The following THRB variants were observed in gnomAD, a reference collection of about 807,000 sequenced individuals.
The protein encoded by THRB is thyroid hormone receptor beta, also known as nuclear receptor subfamily 1 group A member 2.
A neutral mutation model predicts 47.8 loss-of-function variants in THRB; 12 were observed. The observed-to-expected ratio is 0.25, with a 90% CI of 0.16 to 0.41. The LOEUF (loss-of-function observed/expected upper bound fraction) is 0.41. Ranked by LOEUF, THRB falls within the 10% of genes least tolerant of loss-of-function variation. THRB has a pLI of 1.00. For missense variants in THRB, 348 were observed against 589.2 expected, an observed-to-expected ratio of 0.59 and a Z score of 4.24; for synonymous variants, 218 against 212.2, an observed-to-expected ratio of 1.03 and a Z score of -0.24.
intron 3 of THRB, among the ~76,000 whole-genome samples, chr3:24,243,164 T>C (rs1327936313): frequency 1.3e-5 from 2 of 150,704 alleles, no homozygotes; most frequent in African/African-American, 4.9e-5. Context: ...TAAAGCAGCG[T>C]GGGTGATTCT....
intron 5 of THRB, among the ~76,000 whole-genome samples, chr3:24,182,670 GTTTC>G (rs750065442): frequency 1.3e-5 from 2 of 152,152 alleles, no homozygotes; most frequent in Non-Finnish European, 1.5e-5. Flanking sequence ...TTAAGAGCTT[GTTTC>G]TTTCCACAAT....
At chr3:24,171,344 G>A (rs1430233051) in intron 5 of THRB, among the ~76,000 whole-genome samples, 2 of 152,134 alleles carry the variant, frequency 1.3e-5, no homozygotes, top group Non-Finnish European at 2.9e-5. Context: ...ATGTGAGCAG[G>A]GCAAGCTCCT....
chr3:24,254,988 A>G (rs2051100421), intron 3 of THRB, among the ~76,000 whole-genome samples: 2 of 152,226 alleles, frequency 1.3e-5, no homozygotes, highest in African/African-American at 4.8e-5. Context: ...TGTGGTAGTT[A>G]GGAAACATAC....
chr3:24,240,123 G>C (rs538829450), intron 3 of THRB, among the ~76,000 whole-genome samples: 1 of 152,312 alleles, frequency 6.6e-6, no homozygotes, highest in East Asian at 1.9e-4. Context: ...GAAAAGTCTA[G>C]AAGTGTGATT....
chr3:24,195,393 AC>A lies in THRB; in HGVS notation c.23-5060del, dbSNP rs369671520. On this transcript the variant is annotated intron_variant, in intron 4 of 10. Coordinates refer to ENST00000646209, the MANE Select transcript of THRB (RefSeq NM_001354712.2). ...CCCTTAGTTTGATGAGTAGTAATTG[AC>A]CTATTAATAGCTATTGTTTTATTTG... is the stretch of plus-strand genomic sequence containing the variant. Among the ~76,000 whole-genome samples, 12 of 152,252 alleles carry A rather than the reference AC, an allele frequency of 7.9e-5. No individual in the cohort carries two copies. The East Asian group carries it at 2.1e-3, about 27-fold the overall frequency.
chr3:24,171,697 A>C (rs2040465978), intron 5 of THRB, among the ~76,000 whole-genome samples: 1 of 152,134 alleles, frequency 6.6e-6, no homozygotes, highest in Non-Finnish European at 1.5e-5. Flanking sequence ...AAGGGAGTAA[A>C]GGAACTTGTC....
intron 1 of THRB, among the ~76,000 whole-genome samples, chr3:24,434,774 G>C (rs550603797): frequency 6.6e-6 from 1 of 152,170 alleles, no homozygotes; most frequent in African/African-American, 2.4e-5. Context: ...AGAATGATGA[G>C]TGCAAATGCA....
chr3:24,420,654 C>T (rs889299701), intron 1 of THRB, among the ~76,000 whole-genome samples: 1 of 151,840 alleles, frequency 6.6e-6, no homozygotes, highest in Admixed American at 6.6e-5. Context: ...AATGAGACAC[C>T]ATCTCACACC....
chr3:24,276,574 C>G (rs777004228), intron 3 of THRB, among the ~76,000 whole-genome samples: 6 of 152,228 alleles, frequency 3.9e-5, no homozygotes, highest in Non-Finnish European at 8.8e-5. Context: ...AATTTGAAAA[C>G]TCTTAGCCCA....
chr3:24,381,225 G>C (rs2065688769), intron 1 of THRB, among the ~76,000 whole-genome samples: 1 of 152,052 alleles, frequency 6.6e-6, no homozygotes, highest in African/African-American at 2.4e-5. Flanking sequence ...GATACACTCT[G>C]GTAAAACCAT....
chr3:24,413,003 A>T (rs2150196194), intron 1 of THRB, among the ~76,000 whole-genome samples: 1 of 151,958 alleles, frequency 6.6e-6, no homozygotes, highest in Middle Eastern at 3.4e-3. Context: ...CTTTAAATAC[A>T]AAGGAGCAGT....
intron 1 of THRB, among the ~76,000 whole-genome samples, chr3:24,352,956 T>C (rs1406643921): frequency 1.3e-5 from 2 of 152,180 alleles, no homozygotes; most frequent in African/African-American, 4.8e-5. Flanking sequence ...TATATTTCTT[T>C]ATAAACTCTA....
intron 5 of THRB, among the ~76,000 whole-genome samples, chr3:24,157,167 C>T (rs1175449487): frequency 6.6e-6 from 1 of 152,148 alleles, no homozygotes; most frequent in Non-Finnish European, 1.5e-5. Context: ...GCTCCCACTT[C>T]ACACAATTCA....
At chr3:24,344,870 C>T (rs2062909949) in intron 1 of THRB, among the ~76,000 whole-genome samples, 1 of 151,804 alleles carries the variant, frequency 6.6e-6, no homozygotes, top group Non-Finnish European at 1.5e-5. Context: ...CTAATATAGC[C>T]CAACCACAGT....
intron 3 of THRB, among the ~76,000 whole-genome samples, chr3:24,286,899 A>C (rs1225942408): frequency 6.6e-6 from 1 of 152,210 alleles, no homozygotes; most frequent in East Asian, 1.9e-4. Flanking sequence ...GAGGAACACG[A>C]GAGTGGGGCT....
chr3:24,300,132 C>T (rs532458506), intron 2 of THRB, among the ~76,000 whole-genome samples: 5 of 152,158 alleles, frequency 3.3e-5, no homozygotes, highest in Non-Finnish European at 7.3e-5. Flanking sequence ...CATATACTCA[C>T]AGGCAGTGCC....
At chr3:24,215,462 G>A (rs2046461265) in intron 4 of THRB, among the ~76,000 whole-genome samples, 1 of 152,190 alleles carries the variant, frequency 6.6e-6, no homozygotes, top group Non-Finnish European at 1.5e-5. Flanking sequence ...ACAGCAACCA[G>A]GAAAGGTGGG....
chr3:24,346,320 A>G (rs1020841693), intron 1 of THRB, among the ~76,000 whole-genome samples: 1 of 152,044 alleles, frequency 6.6e-6, no homozygotes, highest in African/African-American at 2.4e-5. Context: ...GGTAACCACT[A>G]AAAGAAGAGT....
At chr3:24,422,221 C>T (rs1355105523) in intron 1 of THRB, among the ~76,000 whole-genome samples, 1 of 151,922 alleles carries the variant, frequency 6.6e-6, no homozygotes, top group African/African-American at 2.4e-5. Flanking sequence ...AAAGCCTGTG[C>T]TATGTTATCA....
Sources: gnomAD v4.1 joint callset for allele counts (sites outside exome capture counted in the v4.1 genomes callset) on GRCh38, gnomAD v4.1.1 for gene constraint, MANE v1.5 for transcripts, NCBI Gene and HGNC (gene_info 2026-07-23, HGNC 2026-07-21) for gene names.